The following THSD7A variants were observed in gnomAD, a reference collection of about 807,000 sequenced individuals.
THSD7A encodes the protein thrombospondin type-1 domain-containing protein 7A.
THSD7A carries 96 observed loss-of-function variants against 231.3 expected under a neutral mutation model. That is an observed-to-expected ratio of 0.41 (90% CI 0.35 to 0.49). The LOEUF (loss-of-function observed/expected upper bound fraction) is 0.49. Ranked by LOEUF, THSD7A falls within the 20% of genes least tolerant of loss-of-function variation. The probability of loss-of-function intolerance (pLI) is 0.05; values close to 1 mark genes in which losing one functional copy is unlikely to be tolerated. For synonymous variants in THSD7A, 940 were observed against 743.3 expected (o/e 1.26, Z -4.30); for missense variants, 2,290 against 2,070.2 (o/e 1.11, Z -2.06).
intron 1 of THSD7A, among the ~76,000 whole-genome samples, chr7:11,770,977 T>G (rs868173523): frequency 6.6e-6 from 1 of 151,504 alleles, no homozygotes; most frequent in African/African-American, 2.4e-5. Flanking sequence ...TTAATATTCA[T>G]GAATTTTTTG....
intron 1 of THSD7A, among the ~76,000 whole-genome samples, chr7:11,669,835 C>G (rs901602708): frequency 6.6e-6 from 1 of 152,066 alleles, no homozygotes; most frequent in African/African-American, 2.4e-5. Flanking sequence ...AATCCTTCAT[C>G]TAAGAGTACA....
intron 1 of THSD7A, among the ~76,000 whole-genome samples, chr7:11,730,355 T>C (rs1215452753): frequency 6.6e-6 from 1 of 151,402 alleles, no homozygotes; most frequent in Non-Finnish European, 1.5e-5. Context: ...ATAAATGGAG[T>C]TCCTGGGGAA....
intron 1 of THSD7A, among the ~76,000 whole-genome samples, chr7:11,662,576 T>A (rs1423759926): frequency 2.0e-5 from 3 of 151,348 alleles, no homozygotes; most frequent in African/African-American, 7.3e-5. Flanking sequence ...CACACACACA[T>A]ATAAATACAA....
chr7:11,479,212 G>A (rs1007454901), intron 7 of THSD7A, among the ~76,000 whole-genome samples: 1 of 152,204 alleles, frequency 6.6e-6, no homozygotes, highest in African/African-American at 2.4e-5. Context: ...CATTACTGAA[G>A]CACAACCTAG....
chr7:11,749,452 T>G (rs1211376409), intron 1 of THSD7A, among the ~76,000 whole-genome samples: 1 of 152,012 alleles, frequency 6.6e-6, no homozygotes, highest in Non-Finnish European at 1.5e-5. Context: ...GAGCTATTTG[T>G]AGATGTCTAG....
intron 4 of THSD7A, among the ~76,000 whole-genome samples, chr7:11,587,409 T>C (rs1418536530): frequency 2.0e-5 from 3 of 152,166 alleles, no homozygotes; most frequent in African/African-American, 4.8e-5. Flanking sequence ...CACCTGAATA[T>C]TGTGGGGGAA....
intron 4 of THSD7A, among the ~76,000 whole-genome samples, chr7:11,557,556 A>G (rs1471185561): frequency 1.3e-5 from 2 of 152,098 alleles, no homozygotes; most frequent in African/African-American, 2.4e-5. Flanking sequence ...CTCATGTCAC[A>G]AGACTCTAGA....
At chr7:11,766,574 T>C (rs559531706) in intron 1 of THSD7A, among the ~76,000 whole-genome samples, 1 of 152,316 alleles carries the variant, frequency 6.6e-6, no homozygotes, top group African/African-American at 2.4e-5. Flanking sequence ...GTGGACTTGG[T>C]AAATATGTTT....
At chr7:11,621,991 TAAC>T (rs1781324988) in intron 2 of THSD7A, among the ~76,000 whole-genome samples, 1 of 152,136 alleles carries the variant, frequency 6.6e-6, no homozygotes, top group African/African-American at 2.4e-5. Context: ...GTATTAAAGA[TAAC>T]GTCATATTAG....
chr7:11,599,874 G>A (rs768992800), intron 2 of THSD7A, among the ~76,000 whole-genome samples: 2 of 151,868 alleles, frequency 1.3e-5, no homozygotes, highest in Admixed American at 6.6e-5. Context: ...CTTTCATCTC[G>A]GTGGGCACCA....
intron 11 of THSD7A, among the ~76,000 whole-genome samples, chr7:11,456,238 C>T (rs372865557): frequency 1.3e-5 from 2 of 151,980 alleles, no homozygotes; most frequent in African/African-American, 2.4e-5. Flanking sequence ...ATGTTCTAGA[C>T]AAGGGAATTT....
At chr7:11,584,292 TG>T (rs959816831) in intron 4 of THSD7A, among the ~76,000 whole-genome samples, 1 of 152,144 alleles carries the variant, frequency 6.6e-6, no homozygotes, top group African/African-American at 2.4e-5. Flanking sequence ...TATTAATAAT[TG>T]ATTATATTAC....
chr7:11,763,717 G>C (rs1782937128), intron 1 of THSD7A, among the ~76,000 whole-genome samples: 1 of 151,876 alleles, frequency 6.6e-6, no homozygotes, highest in Non-Finnish European at 1.5e-5. Context: ...AATGATTATA[G>C]CAATATTTGT....
At chr7:11,414,470 G>A (rs1188469018) in intron 17 of THSD7A, among the ~76,000 whole-genome samples, 2 of 152,184 alleles carry the variant, frequency 1.3e-5, no homozygotes, top group East Asian at 3.9e-4. Flanking sequence ...ATTAGTTACT[G>A]TTCCCTTTCC....
At chr7:11,561,754 A>G (rs1260749372) in intron 4 of THSD7A, among the ~76,000 whole-genome samples, 1 of 152,178 alleles carries the variant, frequency 6.6e-6, no homozygotes, top group Admixed American at 6.6e-5. Flanking sequence ...TGGGAGGCTG[A>G]GGCACAAGAA....
At chr7:11,416,402 C>T (rs137878874) in intron 17 of THSD7A, among the ~76,000 whole-genome samples, 90 of 152,292 alleles carry the variant, frequency 5.9e-4, no homozygotes, top group African/African-American at 1.9e-3. Flanking sequence ...TAAACACAGA[C>T]AGTGTAGCAT....
chr7:11,438,162 T>C lies in THSD7A; in HGVS notation c.3064+7899A>G, dbSNP rs762938522. Among the ~76,000 whole-genome samples the C allele has an allele frequency of 6.6e-5, 10 of 152,132 alleles. No individual in the cohort carries two copies. The East Asian group carries it at 1.7e-3, about 27-fold the overall frequency. On this transcript the variant is annotated intron_variant, in intron 13 of 27. Coordinates refer to ENST00000423059, the MANE Select transcript of THSD7A (RefSeq NM_015204.3). ...TCTTTGCAGTAGCTAGTAATGGTCATTGAAACATGACACCTGCTTTGGAAT... is the reference window on the plus strand; with the variant it reads ...TCTTTGCAGTAGCTAGTAATGGTCACTGAAACATGACACCTGCTTTGGAAT...
chr7:11,503,597 TAAAC>T (rs1445900859), intron 6 of THSD7A, among the ~76,000 whole-genome samples: 2 of 143,540 alleles, frequency 1.4e-5, no homozygotes, highest in Non-Finnish European at 3.1e-5. Context: ...ATAACGAACT[TAAAC>T]AAATTTACAC....
At chr7:11,426,515 G>A in intron 15 of THSD7A, 151 bp downstream of exon 15, 2 of 787,198 alleles carry the variant, frequency 2.5e-6, no homozygotes, top group Non-Finnish European at 3.8e-6. Flanking sequence ...AAATAAAACA[G>A]TTATAGAAAA....
Sources: allele counts gnomAD v4.1 joint callset (sites outside exome capture counted in the v4.1 genomes callset), GRCh38; gene constraint gnomAD v4.1.1; transcripts MANE v1.5; gene names NCBI Gene and HGNC (gene_info 2026-07-23, HGNC 2026-07-21).